The following NRXN1 variants were observed in gnomAD, a reference collection of about 807,000 sequenced individuals.
NRXN1 encodes neurexin-1.
Under a neutral mutation model 150.9 loss-of-function variants are expected in NRXN1, and 39 were observed. That is an observed-to-expected ratio of 0.26 (90% CI 0.20 to 0.34). The LOEUF is 0.34. Ranked by LOEUF, NRXN1 falls within the 10% of genes least tolerant of loss-of-function variation. The pLI, the probability that NRXN1 is intolerant of heterozygous loss-of-function variation, is 1.00. For missense variants in NRXN1, 1,815 were observed against 1,949.9 expected (o/e 0.93, Z 1.30); for synonymous variants, 924 against 757.0 (o/e 1.22, Z -3.62).
intron 17 of NRXN1, among the ~76,000 whole-genome samples, chr2:50,270,378 A>G (rs1027448008): frequency 5.9e-5 from 9 of 152,300 alleles, no homozygotes; most frequent in African/African-American, 1.9e-4. Flanking sequence ...AAGTACTTCT[A>G]GAAAATATTG....
chr2:50,159,023 C>A (rs2059204653), intron 18 of NRXN1, among the ~76,000 whole-genome samples: 1 of 151,976 alleles, frequency 6.6e-6, no homozygotes, highest in South Asian at 2.1e-4. Context: ...TGAACAGTTG[C>A]CAATGATGAT....
At chr2:50,405,154 GAT>G (rs964412109) in intron 17 of NRXN1, among the ~76,000 whole-genome samples, 5 of 152,092 alleles carry the variant, frequency 3.3e-5, no homozygotes, top group African/African-American at 7.2e-5. Flanking sequence ...CTGAACTAAG[GAT>G]ATATGATGTT....
intron 5 of NRXN1, chr2:50,829,782 T>A: frequency 6.6e-7 from 1 of 1,524,790 alleles, no homozygotes; most frequent in Non-Finnish European, 8.8e-7. Context: ...AGCCCTAATG[T>A]TTTTATTTAT....
intron 18 of NRXN1, among the ~76,000 whole-genome samples, chr2:50,145,860 T>G (rs923005445): frequency 6.6e-6 from 1 of 151,654 alleles, no homozygotes; most frequent in African/African-American, 2.4e-5. Context: ...CTCAATTGAT[T>G]TTTACTTCTT....
chr2:50,636,507 T>C (rs1045005540), intron 5 of NRXN1, among the ~76,000 whole-genome samples: 4 of 152,196 alleles, frequency 2.6e-5, no homozygotes, highest in Admixed American at 6.5e-5. Flanking sequence ...TCAATAAACA[T>C]TTATTGAAGC....
At chr2:50,476,652 T>C (rs2090013899) in intron 15 of NRXN1, among the ~76,000 whole-genome samples, 2 of 152,140 alleles carry the variant, frequency 1.3e-5, no homozygotes, top group African/African-American at 4.8e-5. Context: ...GTATAGTTTA[T>C]CTCCTGTTTC....
intron 17 of NRXN1, among the ~76,000 whole-genome samples, chr2:50,441,492 A>G (rs2085951852): frequency 1.3e-5 from 2 of 152,160 alleles, no homozygotes; most frequent in Non-Finnish European, 2.9e-5. Context: ...TCACCCTATA[A>G]TTTTAATTGG....
chr2:50,026,068 A>ACTGTG (rs1688235879), intron 21 of NRXN1, among the ~76,000 whole-genome samples: 1 of 152,182 alleles, frequency 6.6e-6, no homozygotes, highest in African/African-American at 2.4e-5. Context: ...GACATGGCAT[A>ACTGTG]CTGTGTGCAT....
At chr2:50,328,539 AGCCTG>A (rs1173156356) in intron 17 of NRXN1, among the ~76,000 whole-genome samples, 14 of 152,150 alleles carry the variant, frequency 9.2e-5, no homozygotes, top group African/African-American at 3.4e-4. Context: ...GTTCGAGACC[AGCCTG>A]GCCAACAGGG....
intron 17 of NRXN1, among the ~76,000 whole-genome samples, chr2:50,273,858 T>C (rs1558426778): frequency 6.6e-6 from 1 of 152,088 alleles, no homozygotes. Context: ...ATGGCGATCA[T>C]TAAAAAGTCA....
intron 5 of NRXN1, among the ~76,000 whole-genome samples, chr2:50,724,427 GATTT>G (rs931007585): frequency 1.1e-4 from 16 of 152,130 alleles, no homozygotes; most frequent in African/African-American, 3.6e-4. Context: ...CAGAAACTTA[GATTT>G]ATTATTAGAG....
chr2:50,293,185 T>A (rs897700181), intron 17 of NRXN1, among the ~76,000 whole-genome samples: 2 of 152,190 alleles, frequency 1.3e-5, no homozygotes, highest in Non-Finnish European at 2.9e-5. Context: ...CTCATTGTCC[T>A]GCATAGAACT....
intron 21 of NRXN1, among the ~76,000 whole-genome samples, chr2:49,967,390 T>C (rs774212450): frequency 5.9e-5 from 9 of 152,094 alleles, no homozygotes; most frequent in Admixed American, 3.9e-4. Flanking sequence ...GTGATATTTA[T>C]AAATACATTC....
intron 5 of NRXN1, among the ~76,000 whole-genome samples, chr2:50,655,160 T>C (rs964278638): frequency 6.6e-6 from 1 of 151,888 alleles, no homozygotes; most frequent in African/African-American, 2.4e-5. Flanking sequence ...AGGTGAGCCA[T>C]ACTTTTCTTG....
In NRXN1 at chr2:50,244,384, T is replaced by A. The variant is rs1218834385; in HGVS notation, c.3365-7414A>T. Among the ~76,000 whole-genome samples the A allele has an allele frequency of 2.0e-5, 3 of 152,018 alleles. No homozygotes were observed. The East Asian group carries it at 5.8e-4, about 29-fold the overall frequency. ...TTCATATAGAATGAGATGTTAATGATGTTCATTGGTGTCGTATAAAACTAT... is the reference window on the plus strand; with the variant it reads ...TTCATATAGAATGAGATGTTAATGAAGTTCATTGGTGTCGTATAAAACTAT... On this transcript the variant is annotated intron_variant, in intron 17 of 22. Coordinates refer to ENST00000401669, the MANE Select transcript of NRXN1 (RefSeq NM_001330078.2).
chr2:50,357,718 A>T (rs1435795272), intron 17 of NRXN1, among the ~76,000 whole-genome samples: 1 of 152,230 alleles, frequency 6.6e-6, no homozygotes, highest in Non-Finnish European at 1.5e-5. Context: ...GGCAAATATT[A>T]AGAATGAAAT....
intron 2 of NRXN1, among the ~76,000 whole-genome samples, chr2:50,989,904 A>G (rs1470755486): frequency 1.3e-5 from 2 of 152,066 alleles, no homozygotes; most frequent in Non-Finnish European, 2.9e-5. Context: ...GGTTTTCCCA[A>G]AACAACTTTA....
chr2:49,986,012 C>G (rs1366085995), intron 21 of NRXN1, among the ~76,000 whole-genome samples: 1 of 152,148 alleles, frequency 6.6e-6, no homozygotes, highest in Non-Finnish European at 1.5e-5. Flanking sequence ...GAAGAAAATG[C>G]TTTATACTCT....
intron 8 of NRXN1, among the ~76,000 whole-genome samples, chr2:50,605,958 T>C (rs2103998959): frequency 6.6e-6 from 1 of 152,122 alleles, no homozygotes. Context: ...GGAAAATTAT[T>C]CCGCCTTAAA....
Sources: allele counts gnomAD v4.1 joint callset (sites outside exome capture counted in the v4.1 genomes callset), GRCh38; gene constraint gnomAD v4.1.1; transcripts MANE v1.5; gene names NCBI Gene and HGNC (gene_info 2026-07-23, HGNC 2026-07-21).